The following CLCA4 variants were observed in gnomAD, a reference collection of about 807,000 sequenced individuals.
The protein encoded by CLCA4 is calcium-activated chloride channel regulator 4.
In CLCA4, 69 loss-of-function variants were observed where a neutral mutation model predicts 78.9. The observed-to-expected ratio is 0.87, with a 90% CI of 0.72 to 1.07. The LOEUF (loss-of-function observed/expected upper bound fraction) is 1.07, where lower values mean the gene tolerates loss of function less well. CLCA4 is among the 50% of genes least tolerant of loss of function. CLCA4 has a pLI of 0.00. For synonymous variants in CLCA4, 362 were observed against 375.8 expected, an observed-to-expected ratio of 0.96 and a Z score of 0.42; for missense variants, 1,133 against 1,095.8, an observed-to-expected ratio of 1.03 and a Z score of -0.48.
At chr1:86,552,900 T>C (rs1649709206) in intron 1 of CLCA4, 3 of 685,526 alleles carry the variant, frequency 4.4e-6, no homozygotes, top group Non-Finnish European at 8.0e-6. Flanking sequence ...TTGAGGGCCA[T>C]CCATCTCCCA....
intron 1 of CLCA4, chr1:86,552,714 C>G (rs542125321): frequency 5.1e-6 from 7 of 1,383,854 alleles, no homozygotes; most frequent in African/African-American, 2.8e-5. Flanking sequence ...GCCAAGCCCT[C>G]GAGCCCTTCA....
At chr1:86,569,980 T>G (rs966824469) in intron 7 of CLCA4, among the ~76,000 whole-genome samples, 1 of 151,926 alleles carries the variant, frequency 6.6e-6, no homozygotes, top group African/African-American at 2.4e-5. Context: ...GTGGGAGAAG[T>G]GTGATGGAGA....
Position 86,567,532 on chromosome 1 carries a change from A to G in CLCA4, c.1063A>G (p.Ile355Val), listed in dbSNP as rs2101807016. ...GMVHFDSTAT[I>V]VNKLIQIKSS... is the part of the protein sequence containing the mutation. The stretch of plus-strand genomic sequence containing the variant: ...GGTTCACTTTGATAGTACTGCCACT[A>G]TTGTAAATAAGCTAATCCAAATAAA... Residue 355 changes from isoleucine (I) to valine (V), a missense_variant, in exon 7 of 14, where the codon ATT (isoleucine) becomes GTT (valine). Coordinates refer to ENST00000370563, the MANE Select transcript of CLCA4 (RefSeq NM_012128.4). 3 of 1,613,192 alleles carry G rather than the reference A, an allele frequency of 1.9e-6. No homozygotes were observed. The highest frequency in any genetic ancestry group is 1.7e-4 in the Middle Eastern group (1 of 6,060).
chr1:86,561,250 T>C (rs1003623903), intron 3 of CLCA4, among the ~76,000 whole-genome samples: 1 of 152,230 alleles, frequency 6.6e-6, no homozygotes, highest in Non-Finnish European at 1.5e-5. Flanking sequence ...TCTAATCCTT[T>C]GTGCCCTTTT....
At chr1:86,560,131 A>G in intron 2 of CLCA4, 59 bp downstream of exon 2, 1 of 1,556,240 alleles carries the variant, frequency 6.4e-7, no homozygotes, top group Admixed American at 2.1e-5. Flanking sequence ...CATTTTTGCC[A>G]CAAATTATTT....
rs1430377064 is a variant in CLCA4 at position 86,568,597 on chromosome 1, T to A, written c.1182+946T>A. 2.0e-5 allele frequency among the ~76,000 whole-genome samples: 3 copies of A among 151,906 alleles called. No individual in the cohort carries two copies. The East Asian group carries it at 5.8e-4, about 29-fold the overall frequency. On this transcript the variant is annotated intron_variant, in intron 7 of 13. Coordinates refer to ENST00000370563, the MANE Select transcript of CLCA4 (RefSeq NM_012128.4). ...AAGTCTCCCCCGCTCAGTAAAATTGTCCTCACTTATCTTTCCTGCCTTATT... is the reference window on the plus strand; with the variant it reads ...AAGTCTCCCCCGCTCAGTAAAATTGACCTCACTTATCTTTCCTGCCTTATT...
At position 86,571,303 on chromosome 1, in the gene CLCA4, G is replaced by A. The variant is rs377696081; in HGVS notation, c.1360+49G>A. The A allele has an allele frequency of 1.4e-4, 214 of 1,529,874 alleles. 2 individuals carry two copies. Among genetic ancestry groups the A allele is most frequent in the Non-Finnish European group, 1.8e-4 (202 of 1,122,760 alleles). The allele number at this position is 1,529,874 out of a possible 1,614,324, so 94.8% of individuals were successfully genotyped here. A position where few individuals can be genotyped will look rare whatever the true frequency, so the allele number is the denominator to read the frequency against. On this transcript the variant is annotated intron_variant, in intron 8 of 13. Transcript: ENST00000370563. ...AGGCCTTCAATAGTAATGCATAAAT[G>A]TAAAGGCTGACAGTTCAACAACGTC...
chr1:86,560,349 G>A lies in CLCA4; in HGVS notation c.439G>A (p.Gly147Arg). The A allele has an allele frequency of 6.2e-7, 1 of 1,612,178 alleles. No individual in the cohort carries two copies. Among genetic ancestry groups the A allele is most frequent in the Non-Finnish European group, 8.5e-7 (1 of 1,179,472 alleles). Residue 147 changes from glycine to arginine, a missense_variant, in exon 3 of 14, where the codon GGA becomes AGA. By Grantham distance (125) the Gly-to-Arg change is moderately radical. Coordinates refer to ENST00000370563, the MANE Select transcript of CLCA4 (RefSeq NM_012128.4). ...ACTTGGAAAAAAACAAAATGAATAT[G>A]GACCACCAGGTAGAAATTTTGGTTA... ...LLLGKKQNEY[G>R]PPGKLFVHEW...
chr1:86,551,023 G>T (rs979994092), intron 1 of CLCA4, among the ~76,000 whole-genome samples: 1 of 151,784 alleles, frequency 6.6e-6, no homozygotes, highest in Non-Finnish European at 1.5e-5. Context: ...AGTAGAGACG[G>T]GGTTTCACCG....
At position 86,567,671 on chromosome 1, in the gene CLCA4, T is replaced by C; in HGVS notation, c.1182+20T>C. The C allele has an allele frequency of 6.3e-7, 1 of 1,594,236 alleles. No individual in the cohort carries two copies. The highest frequency in any genetic ancestry group is 8.6e-7 in the Non-Finnish European group (1 of 1,166,154). On this transcript the variant is annotated intron_variant, in intron 7 of 13. Transcript: ENST00000370563. ...TTTCAGGTGAAAATCGTACTGCAAA[T>C]ATATTTTGGTTTTTGTTTCTTTTCA...
At chr1:86,553,122 C>T (rs111322059) in intron 1 of CLCA4, 2 of 792,646 alleles carry the variant, frequency 2.5e-6, no homozygotes, top group African/African-American at 1.7e-5. Context: ...TCCCATCCTG[C>T]GTCATCTCCT....
rs577248680 is a variant in CLCA4 at position 86,556,361 on chromosome 1, T to G, written c.160-3571T>G. 2.6e-5 allele frequency among the ~76,000 whole-genome samples: 4 copies of G among 152,304 alleles called. No individual in the cohort carries two copies. In the South Asian group the frequency reaches 8.3e-4, roughly 32 times the overall value. On this transcript the variant is annotated intron_variant, in intron 1 of 13. Coordinates refer to ENST00000370563, the MANE Select transcript of CLCA4 (RefSeq NM_012128.4). ...GGTTTGTCATAGATGGCTCTCATTATTTTGAGGTATTTTCCTTCAATACCT... is the reference window on the plus strand; with the variant it reads ...GGTTTGTCATAGATGGCTCTCATTAGTTTGAGGTATTTTCCTTCAATACCT...
chr1:86,568,792 C>T (rs562364877), intron 7 of CLCA4, among the ~76,000 whole-genome samples: 5 of 152,066 alleles, frequency 3.3e-5, no homozygotes, highest in Admixed American at 6.6e-5. Flanking sequence ...ACCAACCCTT[C>T]AAAATCCTTT....
intron 12 of CLCA4, among the ~76,000 whole-genome samples, chr1:86,578,934 C>T (rs1278666454): frequency 2.6e-5 from 4 of 151,992 alleles, no homozygotes; most frequent in Non-Finnish European, 4.4e-5. Context: ...TTTCTACTAG[C>T]AATTGGAATA....
At chr1:86,553,559 G>A (rs2101791672) in intron 1 of CLCA4, among the ~76,000 whole-genome samples, 1 of 152,310 alleles carries the variant, frequency 6.6e-6, no homozygotes, top group South Asian at 2.1e-4. Context: ...AGGGAGGAGC[G>A]CCCGCCAGCG....
At chr1:86,549,496 A>G (rs974843) in intron 1 of CLCA4, among the ~76,000 whole-genome samples, 72,485 of 152,018 alleles carry the variant, frequency 0.48, 21,442 homozygotes, top group African/African-American at 0.83. Flanking sequence ...CTGCAATATT[A>G]AGGACTGTAA....
At chr1:86,552,901 C>G in intron 1 of CLCA4, 1 of 685,000 alleles carries the variant, frequency 1.5e-6, no homozygotes, top group Non-Finnish European at 2.7e-6. Flanking sequence ...TGAGGGCCAT[C>G]CATCTCCCAG....
rs1197230466 is a variant in CLCA4 at position 86,567,494 on chromosome 1, C to G, written c.1025C>G (p.Ser342Cys). 6.2e-7 allele frequency: 1 copy of G among 1,613,186 alleles called. No homozygotes were observed. The highest frequency in any genetic ancestry group is 2.2e-5 in the East Asian group (1 of 44,856). ...CTGCTGCAGACTGTTGAAAATGGATCCTGGGTGGGGATGGTTCACTTTGAT... is the reference window on the plus strand; with the variant it reads ...CTGCTGCAGACTGTTGAAAATGGATGCTGGGTGGGGATGGTTCACTTTGAT... Reference protein sequence around the residue: ...HFLLQTVENGSWVGMVHFDST... With the variant: ...HFLLQTVENGCWVGMVHFDST... Residue 342 changes from serine to cysteine, a missense_variant, in exon 7 of 14, where the codon TCC becomes TGC. Coordinates refer to ENST00000370563, the MANE Select transcript of CLCA4 (RefSeq NM_012128.4).
intron 1 of CLCA4, among the ~76,000 whole-genome samples, chr1:86,548,258 A>G (rs1476308513): frequency 2.0e-5 from 3 of 152,120 alleles, no homozygotes; most frequent in Non-Finnish European, 2.9e-5. Flanking sequence ...AGAAATGTCT[A>G]TTCAGATCAT....
Sources: gnomAD v4.1 joint callset for allele counts (sites outside exome capture counted in the v4.1 genomes callset) on GRCh38, gnomAD v4.1.1 for gene constraint, MANE v1.5 for transcripts, NCBI Gene and HGNC (gene_info 2026-07-23, HGNC 2026-07-21) for gene names.